AFF2: variants seen among roughly 807,000 people sequenced by gnomAD.
AFF2 encodes AF4/FMR2 family member 2.
AFF2 carries 14 observed loss-of-function variants against 76.9 expected under a neutral mutation model. That is an observed-to-expected ratio of 0.18 (90% confidence interval 0.12 to 0.28). The LOEUF (loss-of-function observed/expected upper bound fraction) is 0.28. Among genes scored for constraint, AFF2 ranks in the 10% least tolerant of loss-of-function variants. AFF2 has a pLI of 1.00. For synonymous variants in AFF2, 398 were observed against 366.7 expected (o/e 1.09, Z -0.98); for missense variants, 868 against 1,001.1 (o/e 0.87, Z 1.79).
At chrX:148,839,894 GGTGTGTGT>G (rs200060298) in intron 5 of AFF2, among the ~76,000 whole-genome samples, 8 of 87,020 alleles carry the variant, frequency 9.2e-5, no homozygotes, top group African/African-American at 1.6e-4. Flanking sequence ...GTTGGGGCAT[GGTGTGTGT>G]GTGTGTGTGT....
At chrX:148,894,922 AT>A (rs782369294) in intron 8 of AFF2, among the ~76,000 whole-genome samples, 1 of 110,942 alleles carries the variant, frequency 9.0e-6, no homozygotes, top group East Asian at 2.8e-4. Flanking sequence ...CACAAAATTG[AT>A]TACTATTTAG....
intron 1 of AFF2, among the ~76,000 whole-genome samples, chrX:148,526,366 G>GTTTTTTT (rs34179499): frequency 3.2e-5 from 2 of 62,730 alleles, no homozygotes; most frequent in African/African-American, 6.1e-5. Flanking sequence ...ATACAATCTT[G>GTTTTTTT]TTTTTTTTTT....
chrX:148,673,273 T>C (rs1557259231), intron 3 of AFF2, among the ~76,000 whole-genome samples: 1 of 112,394 alleles, frequency 8.9e-6, no homozygotes, highest in African/African-American at 3.2e-5. Flanking sequence ...ATATCACAAC[T>C]GAGTGGCTTA....
chrX:148,816,832 C>A (rs782494158), intron 4 of AFF2, among the ~76,000 whole-genome samples: 1 of 107,908 alleles, frequency 9.3e-6, no homozygotes, highest in Non-Finnish European at 1.9e-5. Context: ...GAAGAGAATT[C>A]CTGCTAGTCT....
chrX:148,712,281 C>T lies in AFF2; in HGVS notation c.1041+49513C>T, dbSNP rs376013314. On this transcript the variant is annotated intron_variant, in intron 3 of 20. Coordinates refer to ENST00000370460, the MANE Select transcript of AFF2 (RefSeq NM_002025.4). ...AATTCTTGTGCCTTGGGAATGTTGC[C>T]GTATGCCAAACCCAAGGTATTATAT... is the stretch of plus-strand genomic sequence containing the variant. Among the ~76,000 whole-genome samples the T allele has an allele frequency of 4.5e-5, 5 of 111,280 alleles. No individual in the cohort carries two copies. The East Asian group carries it at 1.1e-3, about 25-fold the overall frequency.
chrX:148,723,912 C>CTTTTTTT, intron 3 of AFF2, among the ~76,000 whole-genome samples: 1 of 96,006 alleles, frequency 1.0e-5, no homozygotes, highest in Non-Finnish European at 2.1e-5. Context: ...TTCTTTTTTT[C>CTTTTTTT]TTTTTTCTTT....
chrX:148,960,889 G>C (rs1251249113), intron 12 of AFF2, among the ~76,000 whole-genome samples: 1 of 111,601 alleles, frequency 9.0e-6, no homozygotes, highest in African/African-American at 3.3e-5. Context: ...ACCCAAAGAC[G>C]CAAAAGCTGC....
chrX:148,855,198 C>A (rs1234307219), intron 7 of AFF2, among the ~76,000 whole-genome samples: 1 of 111,276 alleles, frequency 9.0e-6, no homozygotes. Flanking sequence ...CGCCTCTCAC[C>A]TCATTTGCGA....
intron 1 of AFF2, among the ~76,000 whole-genome samples, chrX:148,538,810 G>A (rs2052819486): frequency 8.9e-6 from 1 of 111,976 alleles, no homozygotes; most frequent in East Asian, 2.8e-4. Flanking sequence ...AAGTCAGACA[G>A]CTAAGTAAAT....
intron 1 of AFF2, among the ~76,000 whole-genome samples, chrX:148,562,095 C>G (rs1338883518): frequency 1.8e-5 from 2 of 112,318 alleles, no homozygotes; most frequent in African/African-American, 6.5e-5. Context: ...TTCCCACCCA[C>G]TAACGTTGTT....
chrX:148,697,794 A>G lies in AFF2; in HGVS notation c.1041+35026A>G, dbSNP rs140421042. 7.7e-4 allele frequency among the ~76,000 whole-genome samples: 86 copies of G among 112,258 alleles called. 2 individuals are homozygous for G. The East Asian group carries it at 0.023, about 31-fold the overall frequency. On this transcript the variant is annotated intron_variant, in intron 3 of 20. Coordinates refer to ENST00000370460, the MANE Select transcript of AFF2 (RefSeq NM_002025.4). ...AGCACCTGGTGGGGTTGTTGTATAC[A>G]GGATGCAACAGAGTCCAGCCCAGGG...
intron 4 of AFF2, among the ~76,000 whole-genome samples, chrX:148,836,248 CCTT>C (rs2124665706): frequency 8.9e-6 from 1 of 112,079 alleles, no homozygotes; most frequent in Non-Finnish European, 1.9e-5. Context: ...GTTACCTCCT[CCTT>C]TTTAAATAGT....
At chrX:148,686,692 T>C (rs1270725742) in intron 3 of AFF2, among the ~76,000 whole-genome samples, 2 of 111,236 alleles carry the variant, frequency 1.8e-5, no homozygotes, top group Non-Finnish European at 3.8e-5. Flanking sequence ...AAGGTTTTGA[T>C]TTCTTCCTCT....
At position 148,956,530 on chromosome X, in the gene AFF2, A is replaced by G. The variant is rs2072042981; in HGVS notation, c.2485A>G (p.Lys829Glu). ...LHAAPAKPDH[K>E]ETATKPKRQT... Reference sequence around the variant, plus strand: ...TGCAGCACCTGCCAAGCCAGACCACAAGGAGACTGCCACAAAACCCAAGCG... The same window carrying G: ...TGCAGCACCTGCCAAGCCAGACCACGAGGAGACTGCCACAAAACCCAAGCG... Residue 829 changes from lysine to glutamate, a missense_variant, in exon 11 of 21, where the codon AAG becomes GAG. Lys to Glu is a moderately conservative substitution (Grantham distance 56). Transcript: ENST00000370460. 5.0e-6 allele frequency: 6 copies of G among 1,210,307 alleles called. No homozygotes were observed. Among genetic ancestry groups the G allele is most frequent in the Non-Finnish European group, 6.7e-6 (6 of 895,262 alleles).
intron 3 of AFF2, among the ~76,000 whole-genome samples, chrX:148,808,243 A>ATAT (rs2070162025): frequency 8.9e-6 from 1 of 111,862 alleles, no homozygotes; most frequent in African/African-American, 3.3e-5. Context: ...GTGATTCTTC[A>ATAT]TATTCACCTT....
At chrX:148,931,955 A>G (rs1255505764) in intron 9 of AFF2, among the ~76,000 whole-genome samples, 4 of 111,834 alleles carry the variant, frequency 3.6e-5, no homozygotes, top group Non-Finnish European at 7.5e-5. Flanking sequence ...TCTTAGGCTA[A>G]CGTCATCCTC....
At chrX:148,533,210 A>C (rs528174171) in intron 1 of AFF2, among the ~76,000 whole-genome samples, 2 of 112,442 alleles carry the variant, frequency 1.8e-5, no homozygotes, top group African/African-American at 6.5e-5. Context: ...TAAAGCGTGC[A>C]TAAATTATGA....
chrX:148,924,032 G>A (rs2071624026), intron 9 of AFF2, among the ~76,000 whole-genome samples: 2 of 111,779 alleles, frequency 1.8e-5, no homozygotes, highest in Non-Finnish European at 1.9e-5. Context: ...AATAAACGAG[G>A]CCTAATTATA....
intron 3 of AFF2, among the ~76,000 whole-genome samples, chrX:148,705,132 A>G (rs1217915417): frequency 1.8e-5 from 2 of 112,223 alleles, no homozygotes; most frequent in African/African-American, 6.5e-5. Context: ...TTCAATTCTT[A>G]TTCTGATACT....
Sources: gnomAD v4.1 joint callset for allele counts (sites outside exome capture counted in the v4.1 genomes callset) on GRCh38, gnomAD v4.1.1 for gene constraint, MANE v1.5 for transcripts, NCBI Gene and HGNC (gene_info 2026-07-23, HGNC 2026-07-21) for gene names.